The following ALG6 variants were observed in gnomAD, a reference collection of about 807,000 sequenced individuals.
ALG6 encodes ALG6 alpha-1,3-glucosyltransferase, also known as dolichyl pyrophosphate Man9GlcNAc2 alpha-1,3-glucosyltransferase.
ALG6 carries 46 observed loss-of-function variants against 66.6 expected under a neutral mutation model. The observed-to-expected ratio is 0.69, with a 90% CI of 0.55 to 0.88. The LOEUF (loss-of-function observed/expected upper bound fraction) is 0.88. Among genes scored for constraint, ALG6 ranks in the 40% least tolerant of loss-of-function variants. The pLI is 0.00. For synonymous variants in ALG6, 185 were observed against 203.7 expected (o/e 0.91, Z 0.78); for missense variants, 505 against 586.8 (o/e 0.86, Z 1.44).
chr1:63,367,944 T>C (rs1389175075), intron 1 of ALG6, among the ~76,000 whole-genome samples: 1 of 152,110 alleles, frequency 6.6e-6, no homozygotes, highest in Non-Finnish European at 1.5e-5. Flanking sequence ...TCTGAGGGCC[T>C]GGCCCTCAAG....
intron 2 of ALG6, among the ~76,000 whole-genome samples, chr1:63,374,666 A>G (rs1257760870): frequency 1.3e-5 from 2 of 151,888 alleles, no homozygotes; most frequent in Non-Finnish European, 2.9e-5. Context: ...TTGAGATAAT[A>G]TGTATAAATT....
intron 12 of ALG6, among the ~76,000 whole-genome samples, chr1:63,422,199 A>C: frequency 8.0e-6 from 1 of 124,992 alleles, no homozygotes; most frequent in South Asian, 2.4e-4. Context: ...ATATATATCT[A>C]TATGAATATA....
rs1648136634 is a variant in ALG6 at position 63,376,526 on chromosome 1, G to A, written c.82+5467G>A. The stretch of plus-strand genomic sequence containing the variant: ...ATTTAAGCTATACATTTTCTTTAGA[G>A]TACCATCCCACAAGTAATATTTTCT... On this transcript the variant is annotated intron_variant, in intron 2 of 14. Coordinates refer to ENST00000263440, the MANE Select transcript of ALG6 (RefSeq NM_013339.4). Among the ~76,000 whole-genome samples, 3 of 152,246 alleles carry A rather than the reference G, an allele frequency of 2.0e-5. No homozygotes were observed. The South Asian group carries it at 6.2e-4, about 32-fold the overall frequency.
chr1:63,422,333 A>G lies in ALG6; in HGVS notation c.1058+2893A>G, dbSNP rs1194809150. Among the ~76,000 whole-genome samples, 5 of 104,844 alleles carry G rather than the reference A, an allele frequency of 4.8e-5. 1 individual carries two copies. The East Asian group carries it at 1.2e-3, about 26-fold the overall frequency. 68.8% of individuals were successfully genotyped at this position (104,844 alleles called of 152,430 possible). On this transcript the variant is annotated intron_variant, in intron 12 of 14. Transcript: ENST00000263440. ...TATATCTATATATGAATATATATCTATAGGAATATAAATATATATCTATAT... is the reference window on the plus strand; with the variant it reads ...TATATCTATATATGAATATATATCTGTAGGAATATAAATATATATCTATAT...
chr1:63,375,330 C>T (rs959008009), intron 2 of ALG6, among the ~76,000 whole-genome samples: 5 of 149,442 alleles, frequency 3.3e-5, no homozygotes, highest in African/African-American at 4.9e-5. Context: ...CTACAATATC[C>T]GTTTCCTGGG....
intron 2 of ALG6, among the ~76,000 whole-genome samples, chr1:63,383,561 A>G (rs930501494): frequency 1.3e-5 from 2 of 152,140 alleles, no homozygotes; most frequent in Non-Finnish European, 2.9e-5. Flanking sequence ...GACTATAGGC[A>G]CATACCACTG....
chr1:63,435,408 C>T (rs914018782), intron 14 of ALG6, among the ~76,000 whole-genome samples: 9 of 152,124 alleles, frequency 5.9e-5, no homozygotes, highest in Non-Finnish European at 1.2e-4. Context: ...TTGTTTGTAT[C>T]TGCTTGTAAG....
chr1:63,406,237 G>A (rs1051346214), intron 5 of ALG6, 80 bp from the exon 6 acceptor site: 2 of 1,243,770 alleles, frequency 1.6e-6, no homozygotes, highest in East Asian at 2.3e-5. Context: ...AATTCTCAAT[G>A]TTGGAGGAAG....
intron 14 of ALG6, among the ~76,000 whole-genome samples, chr1:63,435,246 T>C (rs934836235): frequency 6.6e-6 from 1 of 152,198 alleles, no homozygotes; most frequent in African/African-American, 2.4e-5. Flanking sequence ...TTGTTCTGTT[T>C]AACACTGACT....
At position 63,432,034 on chromosome 1, in the gene ALG6, C is replaced by G. The variant is rs1644648446; in HGVS notation, c.1326+2908C>G. ...CCTAATTGCCCTAGGACCTATAAGA[C>G]AGTGTTGAATACAGGTAACAAGAGT... On this transcript the variant is annotated intron_variant, in intron 14 of 14. Coordinates refer to ENST00000263440, the MANE Select transcript of ALG6 (RefSeq NM_013339.4). Among the ~76,000 whole-genome samples the G allele has an allele frequency of 2.0e-5, 3 of 152,170 alleles. No individual in the cohort carries two copies. In the East Asian group the frequency reaches 5.8e-4, roughly 29 times the overall value.
Position 63,402,324 on chromosome 1 carries a change from A to T in ALG6, c.238A>T (p.Ser80Cys). 1 of 1,610,260 alleles carries T rather than the reference A, an allele frequency of 6.2e-7. No individual in the cohort carries two copies. Among genetic ancestry groups the T allele is most frequent in the Non-Finnish European group, 8.5e-7 (1 of 1,176,750 alleles). The change falls in exon 4 of 15, where the codon AGT (serine) becomes TGT (cysteine). Residue 80 changes from serine (S) to cysteine (C), a missense_variant. By Grantham distance (112) the Ser-to-Cys change is moderately radical. Transcript: ENST00000263440. The part of the protein sequence containing the change: ...LDYPPLTAYH[S>C]LLCAYVAKFI... ...TTACCCACCTCTTACAGCTTATCAT[A>T]GTCTCCTATGTGCATATGTGTAAGT...
At chr1:63,384,279 T>G (rs1294470143) in intron 2 of ALG6, among the ~76,000 whole-genome samples, 1 of 152,208 alleles carries the variant, frequency 6.6e-6, no homozygotes, top group Non-Finnish European at 1.5e-5. Flanking sequence ...TGTTTGCCAT[T>G]TGTATGTCTT....
intron 2 of ALG6, among the ~76,000 whole-genome samples, chr1:63,385,623 A>C: frequency 6.6e-6 from 1 of 152,118 alleles, no homozygotes; most frequent in East Asian, 1.9e-4. Context: ...CAAATTGTTC[A>C]CCATTGGCAT....
intron 2 of ALG6, among the ~76,000 whole-genome samples, chr1:63,391,564 C>T (rs1047726120): frequency 2.0e-5 from 3 of 152,186 alleles, no homozygotes; most frequent in Non-Finnish European, 4.4e-5. Context: ...CTTCCTGCAC[C>T]TGCCCTTCCT....
chr1:63,417,013 T>A (rs1025967904), intron 11 of ALG6, among the ~76,000 whole-genome samples: 1 of 152,200 alleles, frequency 6.6e-6, no homozygotes, highest in African/African-American at 2.4e-5. Flanking sequence ...AAAGTGCATC[T>A]CATTACCACA....
At chr1:63,406,041 A>C (rs1644488513) in intron 5 of ALG6, among the ~76,000 whole-genome samples, 1 of 152,136 alleles carries the variant, frequency 6.6e-6, no homozygotes, top group Non-Finnish European at 1.5e-5. Context: ...GAATATTTTT[A>C]AGTCCAAGTT....
At chr1:63,404,376 A>T in intron 4 of ALG6, 77 bp from the exon 5 acceptor site, 1 of 1,167,432 alleles carries the variant, frequency 8.6e-7, no homozygotes, top group Non-Finnish European at 1.3e-6. Flanking sequence ...ATATTAATAC[A>T]TTCATATATC....
intron 2 of ALG6, among the ~76,000 whole-genome samples, chr1:63,372,329 A>G (rs769306966): frequency 1.3e-5 from 2 of 152,154 alleles, no homozygotes; most frequent in African/African-American, 2.4e-5. Context: ...AGACAATAAT[A>G]TTAATAGTTG....
chr1:63,429,302 A>G (rs1382907960), intron 14 of ALG6, among the ~76,000 whole-genome samples, 176 bp downstream of exon 14: 2 of 152,174 alleles, frequency 1.3e-5, no homozygotes, highest in Non-Finnish European at 1.5e-5. Context: ...AACTATCACC[A>G]TCATCTAATT....
Sources: allele counts gnomAD v4.1 joint callset (sites outside exome capture counted in the v4.1 genomes callset), GRCh38; gene constraint gnomAD v4.1.1; transcripts MANE v1.5; gene names NCBI Gene and HGNC (gene_info 2026-07-23, HGNC 2026-07-21).